The following LMO1 variants were observed in gnomAD, a reference collection of about 807,000 sequenced individuals.
The protein encoded by LMO1 is rhombotin-1.
Under a neutral mutation model 18.0 loss-of-function variants are expected in LMO1, and 10 were observed. The observed-to-expected ratio is 0.55, with a 90% confidence interval of 0.34 to 0.94. The LOEUF (loss-of-function observed/expected upper bound fraction) is 0.94. Ranked by LOEUF, LMO1 falls within the 40% of genes least tolerant of loss-of-function variation. The pLI is 0.02. For synonymous variants in LMO1, 77 were observed against 77.9 expected (o/e 0.99, Z 0.06); for missense variants, 183 against 205.7 (o/e 0.89, Z 0.68).
chr11:8,249,308 G>C (rs1846948341), intron 1 of LMO1, among the ~76,000 whole-genome samples: 1 of 152,186 alleles, frequency 6.6e-6, no homozygotes, highest in Non-Finnish European at 1.5e-5. Context: ...TGAAGCCAGA[G>C]GGATGAGGAG....
At chr11:8,268,695 C>T (rs1031308629), upstream of LMO1, 7 of 267,994 alleles carry the variant, frequency 2.6e-5, no homozygotes, top group Admixed American at 1.1e-4. Context: ...GCGGGAGCCT[C>T]GCGAGCAGCA....
chr11:8,264,600 T>C (rs1472017268), upstream of LMO1, among the ~76,000 whole-genome samples: 1 of 151,780 alleles, frequency 6.6e-6, no homozygotes, highest in East Asian at 1.9e-4. Flanking sequence ...CCTACCCACC[T>C]ACTTTTTTTC....
chr11:8,264,202 A>G (rs1384309683), upstream of LMO1, among the ~76,000 whole-genome samples: 1 of 144,196 alleles, frequency 6.9e-6, no homozygotes, highest in Non-Finnish European at 1.5e-5. Flanking sequence ...ATTGTTTGGC[A>G]AAGTTAACCC....
intron 1 of LMO1, among the ~76,000 whole-genome samples, chr11:8,255,177 T>C (rs1318161761): frequency 6.6e-6 from 1 of 152,152 alleles, no homozygotes; most frequent in Non-Finnish European, 1.5e-5. Context: ...AGCGACAAGA[T>C]CCCAGTGCCA....
chr11:8,252,845 C>T (rs1847024356), intron 1 of LMO1, among the ~76,000 whole-genome samples: 1 of 152,242 alleles, frequency 6.6e-6, no homozygotes, highest in African/African-American at 2.4e-5. Flanking sequence ...GTAAAGATTA[C>T]TGGTCCACAG....
intron 1 of LMO1, among the ~76,000 whole-genome samples, chr11:8,259,009 G>A (rs988062005): frequency 6.6e-5 from 10 of 152,280 alleles, no homozygotes; most frequent in South Asian, 2.1e-4. Flanking sequence ...TGCATTACAC[G>A]CTCCCGTGCC....
At chr11:8,241,418 C>T (rs577374931) in intron 1 of LMO1, among the ~76,000 whole-genome samples, 3 of 152,252 alleles carry the variant, frequency 2.0e-5, no homozygotes, top group African/African-American at 4.8e-5. Context: ...CACTGCTCAA[C>T]TTGAAACCCT....
intron 1 of LMO1, among the ~76,000 whole-genome samples, chr11:8,262,885 C>T (rs1847210337): frequency 1.3e-5 from 2 of 151,824 alleles, no homozygotes; most frequent in African/African-American, 4.9e-5. Context: ...CCGATTCTCC[C>T]CGAAGCCGCT....
chr11:8,229,045 C>T (rs898523651), intron 2 of LMO1, among the ~76,000 whole-genome samples: 11 of 151,278 alleles, frequency 7.3e-5, no homozygotes, highest in Admixed American at 2.6e-4. Context: ...GCAGCCACTA[C>T]ACCTGGCTAA....
intron 1 of LMO1, among the ~76,000 whole-genome samples, chr11:8,244,564 C>G (rs963595700): frequency 2.6e-5 from 4 of 152,226 alleles, no homozygotes; most frequent in South Asian, 2.1e-4. Flanking sequence ...AGGGGAAAAG[C>G]CACCCTGCCT....
intron 2 of LMO1, 53 bp from the exon 3 acceptor site, chr11:8,227,153 G>A (rs1370538018): frequency 4.4e-6 from 7 of 1,581,018 alleles, no homozygotes; most frequent in Non-Finnish European, 6.0e-6. Flanking sequence ...AGCTGGGTGG[G>A]CAGGGGGAAA....
intron 1 of LMO1, among the ~76,000 whole-genome samples, chr11:8,249,904 A>T (rs1464940030): frequency 2.0e-5 from 3 of 152,198 alleles, no homozygotes; most frequent in Non-Finnish European, 4.4e-5. Context: ...AGCCCTTAAC[A>T]TCTACATTTT....
chr11:8,224,409 C>G lies in LMO1; in HGVS notation c.*207G>C. ...ATTTATATACAGAAGACAGACTGTA[C>G]AGGCCCGGCCTGGCCCCAGGAGGGG... On this transcript the variant is annotated 3_prime_UTR_variant, in exon 4 of 4. Coordinates refer to ENST00000335790, the MANE Select transcript of LMO1 (RefSeq NM_002315.3). The G allele has an allele frequency of 1.7e-6, 1 of 588,760 alleles. No homozygotes were observed. The highest frequency in any genetic ancestry group is 3.0e-6 in the Non-Finnish European group (1 of 329,668). 36.5% of individuals were successfully genotyped at this position (588,760 alleles called of 1,614,324 possible).
intron 1 of LMO1, among the ~76,000 whole-genome samples, chr11:8,254,551 T>C (rs1358974250): frequency 2.7e-5 from 4 of 148,612 alleles, no homozygotes; most frequent in Non-Finnish European, 4.5e-5. Flanking sequence ...TCAAGCCGTC[T>C]AGTGGCTTTG....
intron 2 of LMO1, 139 bp downstream of exon 2, chr11:8,230,152 G>A: frequency 1.3e-6 from 1 of 751,182 alleles, no homozygotes. Flanking sequence ...GGGCAAGCAG[G>A]GCAGGGGCAG....
At chr11:8,266,842 C>T (rs920487418), upstream of LMO1, among the ~76,000 whole-genome samples, 13 of 152,230 alleles carry the variant, frequency 8.5e-5, no homozygotes, top group East Asian at 5.8e-4. Flanking sequence ...GCCTCCAAGA[C>T]GGAGTTACAA....
chr11:8,244,737 C>T (rs1291360728), intron 1 of LMO1, among the ~76,000 whole-genome samples: 1 of 152,214 alleles, frequency 6.6e-6, no homozygotes, highest in Non-Finnish European at 1.5e-5. Flanking sequence ...GGGCTGGGGG[C>T]ACCAGCAGAG....
intron 1 of LMO1, among the ~76,000 whole-genome samples, chr11:8,237,544 C>T (rs181830402): frequency 2.0e-5 from 3 of 152,354 alleles, no homozygotes; most frequent in Non-Finnish European, 2.9e-5. Flanking sequence ...CAAAAGCCAA[C>T]GAGAACAACT....
At chr11:8,246,795 TA>T (rs1195004235) in intron 1 of LMO1, among the ~76,000 whole-genome samples, 2 of 149,814 alleles carry the variant, frequency 1.3e-5, no homozygotes, top group African/African-American at 2.4e-5. Flanking sequence ...GGGGTCAGCA[TA>T]GCGGGGGAAA....
Sources: allele counts gnomAD v4.1 joint callset (sites outside exome capture counted in the v4.1 genomes callset), GRCh38; gene constraint gnomAD v4.1.1; transcripts MANE v1.5; gene names NCBI Gene and HGNC (gene_info 2026-07-23, HGNC 2026-07-21).